The following TRIO variants were observed in gnomAD, a reference collection of about 807,000 sequenced individuals.
TRIO encodes the protein triple functional domain protein.
A neutral mutation model predicts 351.9 loss-of-function variants in TRIO; 58 were observed. The observed-to-expected ratio is 0.16, with a 90% CI of 0.13 to 0.21. The LOEUF (loss-of-function observed/expected upper bound fraction) is 0.21, where lower values mean the gene tolerates loss of function less well. TRIO is among the 10% of genes least tolerant of loss of function. The pLI is 1.00. For missense variants in TRIO, 3,201 were observed against 4,027.8 expected, an observed-to-expected ratio of 0.79 and a Z score of 5.56; for synonymous variants, 1,758 against 1,595.7, an observed-to-expected ratio of 1.10 and a Z score of -2.42.
chr5:14,313,945 G>C (rs1257708824), intron 8 of TRIO, among the ~76,000 whole-genome samples: 1 of 151,464 alleles, frequency 6.6e-6, no homozygotes, highest in Non-Finnish European at 1.5e-5. Context: ...CTGACTGTAG[G>C]GGTTTGGCTA....
chr5:14,488,283 G>A (rs1415942868), intron 48 of TRIO, 23 bp downstream of exon 48: 2 of 1,527,682 alleles, frequency 1.3e-6, no homozygotes, highest in South Asian at 1.2e-5. Flanking sequence ...GGGGGCCCGC[G>A]CCCTCCCGCC....
chr5:14,291,788 TAA>T (rs57424190), intron 5 of TRIO, among the ~76,000 whole-genome samples: 21 of 100,958 alleles, frequency 2.1e-4, no homozygotes, highest in African/African-American at 8.0e-4. Context: ...GACTCCGTCT[TAA>T]AAAAAAAAAA....
At chr5:14,252,759 C>G (rs990656024) in intron 1 of TRIO, among the ~76,000 whole-genome samples, 6 of 152,164 alleles carry the variant, frequency 3.9e-5, no homozygotes, top group Non-Finnish European at 5.9e-5. Context: ...AGCCTGGCCC[C>G]GAGCCTTCTG....
At chr5:14,233,003 T>C (rs934117199) in intron 1 of TRIO, among the ~76,000 whole-genome samples, 3 of 151,772 alleles carry the variant, frequency 2.0e-5, no homozygotes, top group Admixed American at 2.0e-4. Flanking sequence ...CAAAGCATGG[T>C]TGAGGGTGGG....
intron 32 of TRIO, 48 bp downstream of exon 32, chr5:14,406,038 G>A (rs769335742): frequency 1.9e-6 from 3 of 1,596,218 alleles, no homozygotes; most frequent in East Asian, 4.5e-5. Flanking sequence ...GGAGGGAGGG[G>A]CGAGGCGGTG....
chr5:14,195,097 C>T (rs913001614), intron 1 of TRIO, among the ~76,000 whole-genome samples: 4 of 152,016 alleles, frequency 2.6e-5, no homozygotes, highest in African/African-American at 9.7e-5. Flanking sequence ...ATGCTGTTAT[C>T]TAATTTACAG....
chr5:14,285,104 C>T (rs751599718), intron 3 of TRIO, among the ~76,000 whole-genome samples: 9 of 152,164 alleles, frequency 5.9e-5, no homozygotes, highest in Non-Finnish European at 1.0e-4. Context: ...TGAAGGAGGT[C>T]AGAAAACAGG....
At chr5:14,495,810 C>CA (rs970316277) in intron 49 of TRIO, among the ~76,000 whole-genome samples, 45 of 150,208 alleles carry the variant, frequency 3.0e-4, no homozygotes, top group Middle Eastern at 3.5e-3. Context: ...ACTAAAAATA[C>CA]AAAAAAAAAT....
chr5:14,268,004 T>G (rs1301315609), intron 1 of TRIO, among the ~76,000 whole-genome samples: 2 of 152,268 alleles, frequency 1.3e-5, no homozygotes, highest in African/African-American at 4.8e-5. Context: ...GGCATGTACC[T>G]ACATCGCAAT....
In TRIO at chr5:14,396,443, CTTTTTTTTTTTTTTTTTTTTTTTT is replaced by C. The variant is rs1173121592; in HGVS notation, c.4312-579_4312-556del. On this transcript the variant is annotated intron_variant, in intron 28 of 56. Coordinates refer to ENST00000344204, the MANE Select transcript of TRIO (RefSeq NM_007118.4). ...ATAATAATTAAATATTTCTATTTAT[CTTTTTTTTTTTTTTTTTTTTTTTT>C]TTTTTTTTTTTTTTTTTTTTGAGAC... Among the ~76,000 whole-genome samples the C allele has an allele frequency of 2.0e-3, 83 of 41,554 alleles. No homozygotes were observed. The Middle Eastern group carries it at 0.056, about 28-fold the overall frequency. 27.3% of individuals were successfully genotyped at this position (41,554 alleles called of 152,430 possible). A position where few individuals can be genotyped will look rare whatever the true frequency, so the allele number is the denominator to read the frequency against.
chr5:14,228,151 AAAAC>A (rs1382767502), intron 1 of TRIO, among the ~76,000 whole-genome samples: 1 of 152,190 alleles, frequency 6.6e-6, no homozygotes, highest in Non-Finnish European at 1.5e-5. Flanking sequence ...GGAAAAAAGA[AAAAC>A]AGGTTTGTTT....
chr5:14,199,218 A>AAAC lies in TRIO; in HGVS notation c.157+55337_157+55338insACA, dbSNP rs1554031817. Among the ~76,000 whole-genome samples the AAAC allele has an allele frequency of 1.1e-3, 166 of 149,526 alleles. 4 individuals are homozygous for AAAC. The East Asian group carries it at 0.026, about 24-fold the overall frequency. On this transcript the variant is annotated intron_variant, in intron 1 of 56. Coordinates refer to ENST00000344204, the MANE Select transcript of TRIO (RefSeq NM_007118.4). The stretch of plus-strand genomic sequence containing the variant: ...CTCAAAAAAAAAAAAAAAAAAAAAA[A>AAAC]ACCTCCCTAAAAATGCAACTCAAAG...
At chr5:14,430,802 G>A (rs1751045605) in intron 34 of TRIO, among the ~76,000 whole-genome samples, 2 of 151,812 alleles carry the variant, frequency 1.3e-5, no homozygotes, top group African/African-American at 4.8e-5. Flanking sequence ...CGCAATCTCC[G>A]CCTCCCGAGT....
chr5:14,201,980 AG>A (rs1398953681), intron 1 of TRIO, among the ~76,000 whole-genome samples: 6 of 62,950 alleles, frequency 9.5e-5, no homozygotes, highest in Non-Finnish European at 1.7e-4. Flanking sequence ...GGGTGGGGGG[AG>A]GGGGGAGGGA....
chr5:14,417,922 T>A (rs1302317371), intron 33 of TRIO, among the ~76,000 whole-genome samples: 1 of 152,190 alleles, frequency 6.6e-6, no homozygotes, highest in African/African-American at 2.4e-5. Context: ...CTTCTGTAAG[T>A]CACATGCCTA....
chr5:14,168,704 G>T (rs184307711), intron 1 of TRIO, among the ~76,000 whole-genome samples: 86 of 152,314 alleles, frequency 5.6e-4, no homozygotes, highest in African/African-American at 2.0e-3. Context: ...GACTTGGTGA[G>T]TGCCATGGTT....
intron 11 of TRIO, among the ~76,000 whole-genome samples, chr5:14,357,927 C>T (rs944591860): frequency 6.6e-6 from 1 of 152,046 alleles, no homozygotes; most frequent in Admixed American, 6.5e-5. Flanking sequence ...CAGTGCTGCC[C>T]GCCGTTCGCC....
At chr5:14,477,887 T>TG (rs1755210391) in intron 41 of TRIO, among the ~76,000 whole-genome samples, 1 of 152,244 alleles carries the variant, frequency 6.6e-6, no homozygotes, top group African/African-American at 2.4e-5. Flanking sequence ...CTTTAAGTGT[T>TG]GTGAAGTTCA....
Position 14,497,043 on chromosome 5 carries a change from C to G in TRIO, c.8019+26C>G, listed in dbSNP as rs370782366. ...GTGTGTTCGGGGGTCTTCAGGAGTC[C>G]GTGTCATCCCAGCATGAGAGAAAGG... On this transcript the variant is annotated intron_variant, in intron 50 of 56. Transcript: ENST00000344204. This position sits in a 1 kb window ranked among gnomAD's most constrained non-coding sequence, Gnocchi z 4.4. 5 of 1,611,358 alleles carry G rather than the reference C, an allele frequency of 3.1e-6. No homozygotes were observed. In the African/African-American group the frequency reaches 5.4e-5, roughly 17 times the overall value.
Sources: gnomAD v4.1 joint callset for allele counts (sites outside exome capture counted in the v4.1 genomes callset) on GRCh38, gnomAD v4.1.1 for gene constraint, Gnocchi (gnomAD v3.1) non-coding constraint, MANE v1.5 for transcripts, NCBI Gene and HGNC (gene_info 2026-07-23, HGNC 2026-07-21) for gene names.